Variants in RAP2C observed in about 807,000 individuals in gnomAD.
The protein encoded by RAP2C is ras-related protein Rap-2c.
In RAP2C, 3 loss-of-function variants were observed where a neutral mutation model predicts 8.9. The ratio of observed to expected loss-of-function variants is 0.34; its 90% CI spans 0.15 to 0.87. The LOEUF (loss-of-function observed/expected upper bound fraction) is 0.87. Ranked by LOEUF, RAP2C falls within the 40% of genes least tolerant of loss-of-function variation. RAP2C has a pLI of 0.51. For missense variants in RAP2C, 76 were observed against 133.7 expected (o/e 0.57, Z 2.13); for synonymous variants, 60 against 52.1 (o/e 1.15, Z -0.65).
Position 132,204,295 on chromosome X carries a change from A to T in RAP2C, c.*1327T>A, listed in dbSNP as rs1930207242. The stretch of plus-strand genomic sequence containing the variant: ...GTCAAACTTACACAATTTAAAAATC[A>T]TTGCTAGAAAAAGCCCTCATTGTCA... On this transcript the variant is annotated 3_prime_UTR_variant, in exon 6 of 6. Transcript: ENST00000370874. The T allele has an allele frequency of 8.9e-6, 1 of 112,282 alleles. No individual in the cohort carries two copies. Among genetic ancestry groups the T allele is most frequent in the Admixed American group, 9.5e-5 (1 of 10,536 alleles). The allele number at this position is 112,282 out of a possible 1,213,427, so 9.3% of individuals were successfully genotyped here. A position where few individuals can be genotyped will look rare whatever the true frequency, so the allele number is the denominator to read the frequency against.
intron 5 of RAP2C, among the ~76,000 whole-genome samples, chrX:132,209,178 G>C (rs1281711242): frequency 8.9e-6 from 1 of 111,755 alleles, no homozygotes. Context: ...AATCACACAT[G>C]AAGGAAAGCA....
chrX:132,213,998 G>A (rs922115285), intron 5 of RAP2C, 136 bp downstream of exon 5: 14 of 492,714 alleles, frequency 2.8e-5, no homozygotes, highest in Middle Eastern at 1.2e-3. Context: ...TGACTATTTT[G>A]TGTGATGGAA....
chrX:132,207,758 C>T (rs140906395), intron 5 of RAP2C, among the ~76,000 whole-genome samples: 259 of 111,487 alleles, frequency 2.3e-3, no homozygotes, highest in African/African-American at 7.9e-3. Context: ...AAAAATAAAT[C>T]GCTGAAGGTT....
chrX:132,219,228 CCCTTA>C (rs769826664), intron 1 of RAP2C, 137 bp downstream of exon 1: 3 of 111,731 alleles, frequency 2.7e-5, no homozygotes, highest in African/African-American at 9.8e-5. Context: ...ACTCCAAATT[CCCTTA>C]CTTACAAGCC....
At chrX:132,214,643 C>G in intron 4 of RAP2C, 197 bp from the exon 5 acceptor site, 4 of 631,384 alleles carry the variant, frequency 6.3e-6, no homozygotes, top group Non-Finnish European at 7.6e-6. Context: ...GAGACCCTAC[C>G]TGCTGGGTTT....
chrX:132,217,434 A>T lies in RAP2C; in HGVS notation c.-166T>A. ...AAGAAGAGGAAGTTACAGGAGGGGG[A>T]GGGGAAAGAGCGTAGAGTCGGGGAG... On this transcript the variant is annotated 5_prime_UTR_variant, in exon 4 of 6. Coordinates refer to ENST00000370874, the MANE Select transcript of RAP2C (RefSeq NM_001271186.2). The T allele has an allele frequency of 1.4e-4, 16 of 113,102 alleles. No individual in the cohort carries two copies. Among genetic ancestry groups the T allele is most frequent in the Non-Finnish European group, 1.9e-4 (12 of 61,617 alleles). The allele number at this position is 113,102 out of a possible 1,213,427, so 9.3% of individuals were successfully genotyped here. A position where few individuals can be genotyped will look rare whatever the true frequency, so the allele number is the denominator to read the frequency against.
In RAP2C at chrX:132,213,199, G is replaced by A. The variant is rs771987030; in HGVS notation, c.*34+935C>T. On this transcript the variant is annotated intron_variant, in intron 5 of 5. Coordinates refer to ENST00000370874, the MANE Select transcript of RAP2C (RefSeq NM_001271186.2). Reference sequence around the variant, plus strand: ...GTCAGGCTAGTCTGGCATTTGCTGCGGTTTCTCAGTCATTCACAATATTGG... The same window carrying A: ...GTCAGGCTAGTCTGGCATTTGCTGCAGTTTCTCAGTCATTCACAATATTGG... 1.6e-4 allele frequency among the ~76,000 whole-genome samples: 18 copies of A among 111,157 alleles called. No individual in the cohort carries two copies. In the South Asian group the frequency reaches 5.4e-3, roughly 33 times the overall value.
rs1930623237 is a variant in RAP2C, at chrX:132,216,986, G to A, written c.273+10C>T. The A allele has an allele frequency of 9.0e-7, 1 of 1,115,942 alleles. No homozygotes were observed. The highest frequency in any genetic ancestry group is 3.1e-5 in the Admixed American group (1 of 32,113). 92.0% of individuals were successfully genotyped at this position (1,115,942 alleles called of 1,213,427 possible). A position where few individuals can be genotyped will look rare whatever the true frequency, so the allele number is the denominator to read the frequency against. ...CCCTTCTAACAAATTACAAGACTTG[G>A]TTTGGTTACCTGAAAAGACTGTTGA... On this transcript the variant is annotated intron_variant, in intron 4 of 5. Transcript: ENST00000370874.
intron 4 of RAP2C, among the ~76,000 whole-genome samples, chrX:132,215,344 G>A (rs755247520): frequency 1.1e-3 from 118 of 111,478 alleles, no homozygotes; most frequent in Non-Finnish European, 1.9e-3. Context: ...GCCTTAAATA[G>A]AAAATGTATG....
chrX:132,218,149 G>A (rs1355969821), intron 2 of RAP2C, 83 bp downstream of exon 2: 1 of 80,032 alleles, frequency 1.2e-5, no homozygotes, highest in Non-Finnish European at 2.3e-5. Context: ...GCACACACCC[G>A]GAAGGGTTTC....
At chrX:132,218,978 T>G (rs1460577177) in intron 1 of RAP2C, 1 of 112,802 alleles carries the variant, frequency 8.9e-6, no homozygotes, top group Non-Finnish European at 1.9e-5. Flanking sequence ...TCCTATGTAG[T>G]CTTTGAAATT....
intron 5 of RAP2C, among the ~76,000 whole-genome samples, chrX:132,206,494 T>A (rs1230307647): frequency 8.9e-6 from 1 of 112,391 alleles, no homozygotes; most frequent in East Asian, 2.8e-4. Flanking sequence ...ACCAAATAGC[T>A]TCTAGGGGAA....
At position 132,214,312 on chromosome X, in the gene RAP2C, T is replaced by C. The variant is rs1249826217; in HGVS notation, c.408A>G (p.Gln136=). The change falls in exon 5 of 6, where the codon CAA becomes CAG. Residue 136 remains glutamine, a synonymous_variant. Transcript: ENST00000370874. ...VMSSEGRALA[Q]EWGCPFMETS... Reference sequence around the variant, plus strand: ...TCTCCATGAAAGGACAGCCCCATTCTTGAGCCAGAGCTCTGCCTTCTGAAG... The same window carrying C: ...TCTCCATGAAAGGACAGCCCCATTCCTGAGCCAGAGCTCTGCCTTCTGAAG... 2.5e-6 allele frequency: 3 copies of C among 1,210,625 alleles called. No individual in the cohort carries two copies. The highest frequency in any genetic ancestry group is 3.4e-6 in the Non-Finnish European group (3 of 895,441).
At chrX:132,211,083 T>C (rs1336229876) in intron 5 of RAP2C, among the ~76,000 whole-genome samples, 1 of 110,680 alleles carries the variant, frequency 9.0e-6, no homozygotes, top group Non-Finnish European at 1.9e-5. Flanking sequence ...TGGCAATTTC[T>C]GGAGATATTC....
intron 1 of RAP2C, chrX:132,218,638 C>A (rs1930751027): frequency 8.9e-6 from 1 of 112,173 alleles, no homozygotes; most frequent in South Asian, 3.7e-4. Flanking sequence ...CTTTCAGATG[C>A]AGTGCGTTTT....
In RAP2C at chrX:132,219,446, C is replaced by T. The variant is rs1029825357; in HGVS notation, c.-822G>A. 2 of 112,229 alleles carry T rather than the reference C, an allele frequency of 1.8e-5. No individual in the cohort carries two copies. Among genetic ancestry groups the T allele is most frequent in the African/African-American group, 6.5e-5 (2 of 30,783 alleles). The allele number at this position is 112,229 out of a possible 1,213,427, so 9.2% of individuals were successfully genotyped here. ...CATCTCTCCAGCGAAGTCCCCAGCT[C>T]TGGCTCCAGCTGGCCTGGGCCCTGT... On this transcript the variant is annotated 5_prime_UTR_variant, in exon 1 of 6. Coordinates refer to ENST00000370874, the MANE Select transcript of RAP2C (RefSeq NM_001271186.2).
chrX:132,217,285 A>C lies in RAP2C; in HGVS notation c.-17T>G. On this transcript the variant is annotated 5_prime_UTR_variant, in exon 4 of 6. Coordinates refer to ENST00000370874, the MANE Select transcript of RAP2C (RefSeq NM_001271186.2). ...TTCCCTCATGAGTCTCACCTTCACC[A>C]ACTCCTACCAGAGGGGGGGAAAGAT... is the stretch of plus-strand genomic sequence containing the variant. 9.4e-7 allele frequency: 1 copy of C among 1,067,377 alleles called. No homozygotes were observed. Among genetic ancestry groups the C allele is most frequent in the Non-Finnish European group, 1.2e-6 (1 of 820,443 alleles). The allele number at this position is 1,067,377 out of a possible 1,213,427, so 88.0% of individuals were successfully genotyped here. A position where few individuals can be genotyped will look rare whatever the true frequency, so the allele number is the denominator to read the frequency against.
chrX:132,216,546 G>T (rs1287135116), intron 4 of RAP2C, among the ~76,000 whole-genome samples: 2 of 106,770 alleles, frequency 1.9e-5, no homozygotes, highest in Non-Finnish European at 3.9e-5. Flanking sequence ...GGGGGTGTTG[G>T]GGGGTGGGAG....
intron 4 of RAP2C, 102 bp from the exon 5 acceptor site, chrX:132,214,548 C>T (rs1431466130): frequency 5.8e-5 from 63 of 1,084,984 alleles, no homozygotes; most frequent in Non-Finnish European, 7.4e-5. Flanking sequence ...AGTGAGTATA[C>T]AAAGCTGAAT....
Sources: gnomAD v4.1 joint callset for allele counts (sites outside exome capture counted in the v4.1 genomes callset) on GRCh38, gnomAD v4.1.1 for gene constraint, MANE v1.5 for transcripts, NCBI Gene and HGNC (gene_info 2026-07-23, HGNC 2026-07-21) for gene names.